The following CDH13 variants were observed in gnomAD, a reference collection of about 807,000 sequenced individuals.
The protein encoded by CDH13 is cadherin 13.
Under a neutral mutation model 63.8 loss-of-function variants are expected in CDH13, and 24 were observed. That is an observed-to-expected ratio of 0.38 (90% CI 0.27 to 0.53). The LOEUF (loss-of-function observed/expected upper bound fraction) is 0.53. CDH13 is among the 20% of genes least tolerant of loss of function. The pLI is 0.85. For missense variants in CDH13, 1,049 were observed against 903.1 expected, an observed-to-expected ratio of 1.16 and a Z score of -2.07; for synonymous variants, 503 against 355.3, an observed-to-expected ratio of 1.42 and a Z score of -4.67.
chr16:82,907,096 C>T (rs1028950267), intron 2 of CDH13, among the ~76,000 whole-genome samples: 1 of 152,168 alleles, frequency 6.6e-6, no homozygotes, highest in Non-Finnish European at 1.5e-5. Context: ...GTTTAATTGG[C>T]CTCTTATTCA....
chr16:82,894,111 A>G (rs1000815328), intron 2 of CDH13, among the ~76,000 whole-genome samples: 2 of 152,156 alleles, frequency 1.3e-5, no homozygotes, highest in Non-Finnish European at 2.9e-5. Flanking sequence ...ACCTCCATGC[A>G]TCCGTTCCTT....
At chr16:82,890,674 C>G (rs1031175082) in intron 2 of CDH13, among the ~76,000 whole-genome samples, 4 of 133,056 alleles carry the variant, frequency 3.0e-5, no homozygotes, top group African/African-American at 1.1e-4. Context: ...TTTTCCAAGA[C>G]TAACTTTTGC....
chr16:83,674,033 C>T (rs1255126882), intron 9 of CDH13, among the ~76,000 whole-genome samples: 1 of 152,210 alleles, frequency 6.6e-6, no homozygotes, highest in African/African-American at 2.4e-5. Flanking sequence ...ATCTGTCTCT[C>T]AGCACATGTG....
intron 5 of CDH13, among the ~76,000 whole-genome samples, chr16:83,260,550 C>T (rs568238518): frequency 2.0e-5 from 3 of 152,142 alleles, no homozygotes; most frequent in African/African-American, 4.8e-5. Context: ...CTCTGTGCAT[C>T]GGAATCACCC....
intron 2 of CDH13, among the ~76,000 whole-genome samples, chr16:82,883,975 C>T (rs1442856235): frequency 6.6e-6 from 1 of 152,152 alleles, no homozygotes; most frequent in Non-Finnish European, 1.5e-5. Flanking sequence ...GTTTCCTCCT[C>T]TGTAAAATGG....
intron 12 of CDH13, among the ~76,000 whole-genome samples, chr16:83,781,414 G>A (rs889732480): frequency 6.6e-6 from 1 of 152,222 alleles, no homozygotes; most frequent in African/African-American, 2.4e-5. Flanking sequence ...TCTTATGTCA[G>A]TGGTAGAACT....
intron 13 of CDH13, among the ~76,000 whole-genome samples, chr16:83,791,366 C>A (rs1446499244): frequency 6.6e-6 from 1 of 152,030 alleles, no homozygotes; most frequent in Non-Finnish European, 1.5e-5. Flanking sequence ...CACGGTGGCA[C>A]ACACCTGTAA....
At chr16:83,038,154 T>C (rs575330223) in intron 3 of CDH13, among the ~76,000 whole-genome samples, 1 of 152,302 alleles carries the variant, frequency 6.6e-6, no homozygotes, top group Admixed American at 6.5e-5. Context: ...AAGGAAAGAT[T>C]CTCTAAGGCA....
chr16:83,785,772 G>A (rs1915838158), intron 13 of CDH13, among the ~76,000 whole-genome samples: 1 of 152,080 alleles, frequency 6.6e-6, no homozygotes, highest in African/African-American at 2.4e-5. Context: ...CCATACCTGA[G>A]CCCTACCCTA....
intron 7 of CDH13, among the ~76,000 whole-genome samples, chr16:83,600,104 G>C (rs1343517263): frequency 6.6e-6 from 1 of 152,122 alleles, no homozygotes; most frequent in Non-Finnish European, 1.5e-5. Flanking sequence ...AACGAAACCA[G>C]CCAGGAGCAA....
intron 1 of CDH13, among the ~76,000 whole-genome samples, chr16:82,635,919 C>T (rs1908598688): frequency 6.6e-6 from 1 of 152,022 alleles, no homozygotes. Flanking sequence ...CTCCTGCTTG[C>T]TGTGTGAAGA....
intron 1 of CDH13, among the ~76,000 whole-genome samples, chr16:82,731,994 C>G (rs567922244): frequency 6.6e-6 from 1 of 152,292 alleles, no homozygotes; most frequent in Non-Finnish European, 1.5e-5. Flanking sequence ...CCTAACTCCT[C>G]CTTCTTTGAT....
intron 7 of CDH13, among the ~76,000 whole-genome samples, chr16:83,489,430 C>T (rs1249812743): frequency 6.6e-6 from 1 of 152,176 alleles, no homozygotes; most frequent in Non-Finnish European, 1.5e-5. Context: ...TTCCAGAGTT[C>T]ATTGCTGATC....
chr16:83,021,355 C>G (rs1279085926), intron 2 of CDH13, among the ~76,000 whole-genome samples: 3 of 152,166 alleles, frequency 2.0e-5, no homozygotes, highest in Non-Finnish European at 2.9e-5. Context: ...GTGATTATAA[C>G]CACCATGGGA....
At chr16:83,421,042 C>T (rs935808070) in intron 6 of CDH13, among the ~76,000 whole-genome samples, 1 of 152,136 alleles carries the variant, frequency 6.6e-6, no homozygotes, top group Non-Finnish European at 1.5e-5. Context: ...TCTTTCTCTC[C>T]CTGTCCACAG....
chr16:82,958,858 C>T (rs1202228292), intron 2 of CDH13, among the ~76,000 whole-genome samples: 1 of 152,242 alleles, frequency 6.6e-6, no homozygotes, highest in Non-Finnish European at 1.5e-5. Context: ...GGTGAGTACT[C>T]AGCCTGAGGT....
At chr16:82,635,245 A>T (rs540664046) in intron 1 of CDH13, among the ~76,000 whole-genome samples, 2 of 152,358 alleles carry the variant, frequency 1.3e-5, no homozygotes, top group South Asian at 4.1e-4. Flanking sequence ...GAATGAATGA[A>T]TATAAGAAAG....
chr16:83,427,617 A>G (rs1344815952), intron 6 of CDH13, among the ~76,000 whole-genome samples: 1 of 152,128 alleles, frequency 6.6e-6, no homozygotes, highest in African/African-American at 2.4e-5. Flanking sequence ...AGACTCATAT[A>G]AAATACCAGC....
chr16:83,728,680 C>A (rs1197415284), intron 10 of CDH13, among the ~76,000 whole-genome samples: 1 of 152,098 alleles, frequency 6.6e-6, no homozygotes. Context: ...TTACGACATG[C>A]CGTTTTTATT....
Sources: gnomAD v4.1 joint callset for allele counts (sites outside exome capture counted in the v4.1 genomes callset) on GRCh38, gnomAD v4.1.1 for gene constraint, MANE v1.5 for transcripts, NCBI Gene and HGNC (gene_info 2026-07-23, HGNC 2026-07-21) for gene names.